The following BMPR2 variants were observed in gnomAD, a reference collection of about 807,000 sequenced individuals.
The protein encoded by BMPR2 is bone morphogenetic protein receptor type 2, also known as bone morphogenetic protein receptor type-2.
A neutral mutation model predicts 100.8 loss-of-function variants in BMPR2; 29 were observed. The ratio of observed to expected loss-of-function variants is 0.29; its 90% confidence interval spans 0.21 to 0.39. The LOEUF is 0.39. BMPR2 is among the 10% of genes least tolerant of loss of function. The pLI is 1.00. For missense variants in BMPR2, 1,011 were observed against 1,274.5 expected, an observed-to-expected ratio of 0.79 and a Z score of 3.15; for synonymous variants, 382 against 442.3, an observed-to-expected ratio of 0.86 and a Z score of 1.71.
Position 202,565,052 on chromosome 2 carries a change from A to G in BMPR2, c.*5106A>G, listed in dbSNP as rs1559077274. ...CTACAGAGTGAGACTCCATCTCAAAAAAAAACAAAAAAAATCACCTCATAG... is the reference window on the plus strand; with the variant it reads ...CTACAGAGTGAGACTCCATCTCAAAGAAAAACAAAAAAAATCACCTCATAG... On this transcript the variant is annotated 3_prime_UTR_variant, in exon 13 of 13. Coordinates refer to ENST00000374580, the MANE Select transcript of BMPR2 (RefSeq NM_001204.7). 6.6e-6 allele frequency: 1 copy of G among 152,240 alleles called. No homozygotes were observed. The allele number at this position is 152,240 out of a possible 1,614,324, so 9.4% of individuals were successfully genotyped here. A position where few individuals can be genotyped will look rare whatever the true frequency, so the allele number is the denominator to read the frequency against.
At chr2:202,461,628 A>G (rs1692226733) in intron 1 of BMPR2, among the ~76,000 whole-genome samples, 1 of 152,256 alleles carries the variant, frequency 6.6e-6, no homozygotes, top group Non-Finnish European at 1.5e-5. Context: ...TAATGCTTAT[A>G]ATGACCTGTG....
At chr2:202,452,315 A>G (rs936299630) in intron 1 of BMPR2, among the ~76,000 whole-genome samples, 7 of 152,218 alleles carry the variant, frequency 4.6e-5, no homozygotes, top group African/African-American at 1.7e-4. Context: ...ATATTGTTAC[A>G]TAATCTATTC....
intron 1 of BMPR2, among the ~76,000 whole-genome samples, chr2:202,408,164 T>C (rs755828934): frequency 2.6e-5 from 4 of 152,302 alleles, no homozygotes; most frequent in South Asian, 2.1e-4. Context: ...GAAAACAAGA[T>C]TGAGAAAAAC....
At chr2:202,553,226 C>T (rs1376079165) in intron 11 of BMPR2, among the ~76,000 whole-genome samples, 1 of 151,830 alleles carries the variant, frequency 6.6e-6, no homozygotes, top group East Asian at 1.9e-4. Context: ...TCTCATTTAT[C>T]CTTTGTTGTT....
Position 202,526,280 on chromosome 2 carries a change from T to A in BMPR2, c.968-4514T>A, listed in dbSNP as rs866655895. ...TGTGTCTTTGTGCTTTCTTCTACCC[T>A]CATCCCTTGCTACATTTCCTTGTCA... On this transcript the variant is annotated intron_variant, in intron 7 of 12. Transcript: ENST00000374580. Among the ~76,000 whole-genome samples the A allele has an allele frequency of 3.3e-5, 5 of 152,222 alleles. No homozygotes were observed. The South Asian group carries it at 8.3e-4, about 25-fold the overall frequency.
Position 202,403,166 on chromosome 2 carries a change from TCTCC to T in BMPR2, c.76+25622_76+25625del, listed in dbSNP as rs1394951848. Among the ~76,000 whole-genome samples the T allele has an allele frequency of 1.0e-4, 15 of 148,096 alleles. No individual in the cohort carries two copies. In the East Asian group the frequency reaches 2.8e-3, roughly 28 times the overall value. ...TTGTATTTTTAGTAGAGATGAACCC[TCTCC>T]CTCCCCTTCCCCTCCCCTCCCCTCC... On this transcript the variant is annotated intron_variant, in intron 1 of 12. Coordinates refer to ENST00000374580, the MANE Select transcript of BMPR2 (RefSeq NM_001204.7).
At chr2:202,457,011 CCTTT>C (rs907731733) in intron 1 of BMPR2, among the ~76,000 whole-genome samples, 17 of 152,098 alleles carry the variant, frequency 1.1e-4, no homozygotes, top group Admixed American at 9.8e-4. Context: ...TTTTTTCACT[CCTTT>C]CTTTTTTTTA....
intron 3 of BMPR2, among the ~76,000 whole-genome samples, chr2:202,488,775 T>C (rs2105979900): frequency 6.6e-6 from 1 of 152,228 alleles, no homozygotes; most frequent in South Asian, 2.1e-4. Context: ...TCATAGTAAT[T>C]TTTAAGTGCA....
intron 3 of BMPR2, among the ~76,000 whole-genome samples, chr2:202,479,179 T>A (rs2105971972): frequency 6.6e-6 from 1 of 152,320 alleles, no homozygotes; most frequent in South Asian, 2.1e-4. Flanking sequence ...CTCTGGCTCT[T>A]CTTTTGTGCT....
At chr2:202,517,938 G>A (rs530496948) in intron 5 of BMPR2, among the ~76,000 whole-genome samples, 2 of 142,926 alleles carry the variant, frequency 1.4e-5, no homozygotes, top group South Asian at 4.5e-4. Flanking sequence ...TCAGCCTCCT[G>A]AGTAAGTGGG....
chr2:202,416,027 C>T (rs781183003), intron 1 of BMPR2, among the ~76,000 whole-genome samples: 95 of 152,330 alleles, frequency 6.2e-4, no homozygotes, highest in Middle Eastern at 6.8e-3. Flanking sequence ...ATTCACCATT[C>T]AAGATGCCTT....
At chr2:202,387,623 C>G (rs1178281167) in intron 1 of BMPR2, among the ~76,000 whole-genome samples, 1 of 152,074 alleles carries the variant, frequency 6.6e-6, no homozygotes, top group East Asian at 1.9e-4. Context: ...TAAATGACAG[C>G]AAATATCTTA....
Position 202,566,486 on chromosome 2 carries a change from T to C in BMPR2, c.*6540T>C, listed in dbSNP as rs546671385. ...TGAACAGAGGGAATGACTCAACTAATTGGCTACATGTTGCAACAAATTTAG... is the reference window on the plus strand; with the variant it reads ...TGAACAGAGGGAATGACTCAACTAACTGGCTACATGTTGCAACAAATTTAG... On this transcript the variant is annotated 3_prime_UTR_variant, in exon 13 of 13. Coordinates refer to ENST00000374580, the MANE Select transcript of BMPR2 (RefSeq NM_001204.7). 1.1e-4 allele frequency: 17 copies of C among 152,652 alleles called. No individual in the cohort carries two copies. Among genetic ancestry groups the C allele is most frequent in the African/African-American group, 3.6e-4 (15 of 41,590 alleles). 9.5% of individuals were successfully genotyped at this position (152,652 alleles called of 1,614,324 possible).
At chr2:202,420,640 G>A (rs1691242509) in intron 1 of BMPR2, among the ~76,000 whole-genome samples, 1 of 136,896 alleles carries the variant, frequency 7.3e-6, no homozygotes, top group African/African-American at 2.7e-5. Flanking sequence ...TCCACCTCCC[G>A]AGTTCAAGTG....
intron 1 of BMPR2, among the ~76,000 whole-genome samples, chr2:202,384,569 T>TTTCTTTCTTTCTTTCTTTCTTTCTCTTTC (rs138215628): frequency 1.6e-4 from 15 of 93,504 alleles, no homozygotes; most frequent in Non-Finnish European, 2.4e-4. Context: ...TCTTTCTTTC[T>TTTCTTTCTTTCTTTCTTTCTTTCTCTTTC]TTTTCTTTCT....
At chr2:202,511,120 A>G (rs954728145) in intron 3 of BMPR2, among the ~76,000 whole-genome samples, 2 of 151,894 alleles carry the variant, frequency 1.3e-5, no homozygotes, top group African/African-American at 4.8e-5. Flanking sequence ...ATCACCCCAC[A>G]AGGGAAACCC....
At chr2:202,526,527 G>A (rs1362306808) in intron 7 of BMPR2, among the ~76,000 whole-genome samples, 1 of 152,210 alleles carries the variant, frequency 6.6e-6, no homozygotes, top group Non-Finnish European at 1.5e-5. Context: ...AGTATTGCCT[G>A]TGTCAGCAAC....
intron 1 of BMPR2, among the ~76,000 whole-genome samples, chr2:202,398,046 T>G (rs565504930): frequency 6.6e-6 from 1 of 151,212 alleles, no homozygotes; most frequent in African/African-American, 2.4e-5. Context: ...AGATTGGAGA[T>G]TGCGGTGAGC....
At chr2:202,473,710 G>T (rs1468670980) in intron 3 of BMPR2, among the ~76,000 whole-genome samples, 1 of 152,084 alleles carries the variant, frequency 6.6e-6, no homozygotes, top group East Asian at 1.9e-4. Context: ...AGAATCGCTT[G>T]AACCCAGGAG....
Sources: allele counts gnomAD v4.1 joint callset (sites outside exome capture counted in the v4.1 genomes callset), GRCh38; gene constraint gnomAD v4.1.1; transcripts MANE v1.5; gene names NCBI Gene and HGNC (gene_info 2026-07-23, HGNC 2026-07-21).